Variants in DNAH10 observed in about 807,000 individuals in gnomAD.
DNAH10 encodes dynein axonemal heavy chain 10.
DNAH10 carries 348 observed loss-of-function variants against 506.6 expected under a neutral mutation model. That is an observed-to-expected ratio of 0.69 (90% CI 0.63 to 0.75). DNAH10 has a LOEUF of 0.75. DNAH10 is among the 30% of genes least tolerant of loss of function. The pLI, the probability that DNAH10 is intolerant of heterozygous loss-of-function variation, is 0.00. For missense variants in DNAH10, 5,179 were observed against 5,787.1 expected (o/e 0.89, Z 3.41); for synonymous variants, 2,059 against 2,198.6 (o/e 0.94, Z 1.78).
chr12:123,804,799 C>T lies in DNAH10; in HGVS notation c.2780-34C>T, dbSNP rs202241852. ...TTTGAGTGCTGTCCTTCCCTGTGTT[C>T]GTGGACAGCTCTAACAGACATCTTT... On this transcript the variant is annotated intron_variant, in intron 17 of 78. Transcript: ENST00000673944. 13 of 1,586,088 alleles carry T rather than the reference C, an allele frequency of 8.2e-6. No homozygotes were observed. The African/African-American group carries it at 1.2e-4, about 15-fold the overall frequency.
In DNAH10 at chr12:123,928,640, C is replaced by T. The variant is rs1379401972; in HGVS notation, c.12306+53C>T. 1 of 1,528,250 alleles carries T rather than the reference C, an allele frequency of 6.5e-7. No homozygotes were observed. Among genetic ancestry groups the T allele is most frequent in the Non-Finnish European group, 8.8e-7 (1 of 1,132,228 alleles). The allele number at this position is 1,528,250 out of a possible 1,614,324, so 94.7% of individuals were successfully genotyped here. A position where few individuals can be genotyped will look rare whatever the true frequency, so the allele number is the denominator to read the frequency against. Reference sequence around the variant, plus strand: ...GCCAGCACGCAGCTTCTCAGAACACCTGCATGCTGCTCTGGGGCCGGGGTG... The same window carrying T: ...GCCAGCACGCAGCTTCTCAGAACACTTGCATGCTGCTCTGGGGCCGGGGTG... On this transcript the variant is annotated intron_variant, in intron 70 of 78. Transcript: ENST00000673944. This position sits in a 1 kb window ranked among gnomAD's most constrained non-coding sequence, Gnocchi z 4.9.
At chr12:123,881,587 T>C (rs1428678585) in intron 50 of DNAH10, 38 bp from the exon 51 acceptor site, 46 of 1,506,890 alleles carry the variant, frequency 3.1e-5, no homozygotes, top group Admixed American at 1.0e-4. Flanking sequence ...AAACCCACCA[T>C]GCTGGGTTTT....
At chr12:123,881,489 G>A (rs1419810589) in intron 50 of DNAH10, 136 bp from the exon 51 acceptor site, 1 of 874,198 alleles carries the variant, frequency 1.1e-6, no homozygotes, top group Non-Finnish European at 1.7e-6. Flanking sequence ...CCCACTTTTT[G>A]ATGAAGTTGT....
intron 13 of DNAH10, among the ~76,000 whole-genome samples, 190 bp from the exon 14 acceptor site, chr12:123,799,056 G>A (rs1352265596): frequency 7.0e-6 from 1 of 142,742 alleles, no homozygotes; most frequent in Non-Finnish European, 1.5e-5. Flanking sequence ...AGTGAGCTGA[G>A]ATCGCGCTAC....
chr12:123,766,783 A>G (rs1259460431), intron 1 of DNAH10, among the ~76,000 whole-genome samples: 1 of 152,082 alleles, frequency 6.6e-6, no homozygotes, highest in Admixed American at 6.6e-5. Context: ...GATATTGGCC[A>G]TTTTTTAGAT....
At position 123,880,473 on chromosome 12, in the gene DNAH10, G is replaced by A. The variant is rs1394563206; in HGVS notation, c.8634+672G>A. Among the ~76,000 whole-genome samples, 4 of 151,940 alleles carry A rather than the reference G, an allele frequency of 2.6e-5. No individual in the cohort carries two copies. In the East Asian group the frequency reaches 5.8e-4, roughly 22 times the overall value. On this transcript the variant is annotated intron_variant, in intron 50 of 78. Coordinates refer to ENST00000673944, the MANE Select transcript of DNAH10 (RefSeq NM_001372106.1). ...TCCTGCCTCAGCCTCTGGAGTAGCCGGGACTATGGGCACACATCACCGTGC... is the reference window on the plus strand; with the variant it reads ...TCCTGCCTCAGCCTCTGGAGTAGCCAGGACTATGGGCACACATCACCGTGC...
At chr12:123,801,552 G>A in intron 16 of DNAH10, 120 bp downstream of exon 16, 2 of 1,276,706 alleles carry the variant, frequency 1.6e-6, no homozygotes, top group Non-Finnish European at 2.1e-6. Context: ...ATTTTTGAGG[G>A]TTAAGAAATA....
intron 24 of DNAH10, among the ~76,000 whole-genome samples, chr12:123,826,310 T>C (rs1046036897): frequency 6.6e-6 from 1 of 152,176 alleles, no homozygotes; most frequent in Admixed American, 6.5e-5. Context: ...GCTGCTTTCA[T>C]CAGGGAAAAG....
chr12:123,892,756 C>T (rs2137179100), intron 52 of DNAH10, among the ~76,000 whole-genome samples: 1 of 152,314 alleles, frequency 6.6e-6, no homozygotes, highest in East Asian at 1.9e-4. Flanking sequence ...GTGCCGTTGA[C>T]ATTTGGGGCT....
chr12:123,874,842 T>C (rs1170961236), intron 46 of DNAH10, among the ~76,000 whole-genome samples: 1 of 152,074 alleles, frequency 6.6e-6, no homozygotes, highest in Non-Finnish European at 1.5e-5. Flanking sequence ...TGGCACTGCA[T>C]TGTTGAATTC....
chr12:123,866,081 T>G lies in DNAH10; in HGVS notation c.7167+8T>G, dbSNP rs1389298192. 1.9e-6 allele frequency: 3 copies of G among 1,593,486 alleles called. No individual in the cohort carries two copies. Among genetic ancestry groups the G allele is most frequent in the Non-Finnish European group, 2.6e-6 (3 of 1,170,922 alleles). ...AATCAAATACCAAACAAGGTGAAAT[T>G]TTTTTCTAAAATGAACTTAAATTTA... On this transcript the variant is annotated splice_region_variant and intron_variant, in intron 41 of 78. Transcript: ENST00000673944.
chr12:123,930,511 T>G lies in DNAH10; in HGVS notation c.12722T>G (p.Phe4241Cys), dbSNP rs778197397. The G allele has an allele frequency of 2.5e-6, 4 of 1,610,358 alleles. No homozygotes were observed. The Admixed American group carries it at 6.8e-5, about 27-fold the overall frequency. ...TTTGATACTTTCCAGCCATTCCACT[T>G]CTTCCGGAACAAGGAAGTGGACTAC... is the stretch of plus-strand genomic sequence containing the variant. ...FIFDTFQPFH[F>C]FRNKEVDYKI... is the part of the protein sequence containing the mutation. The change falls in exon 73 of 79, where the codon TTC becomes TGC. Residue 4241 changes from phenylalanine (F) to cysteine (C), a missense_variant. Around this residue, in one of 3 missense-constraint regions of DNAH10, gnomAD observed 4,844 missense variants for 5,430.5 expected, o/e 0.89. Coordinates refer to ENST00000673944, the MANE Select transcript of DNAH10 (RefSeq NM_001372106.1).
At position 123,850,798 on chromosome 12, in the gene DNAH10, G is replaced by T. The variant is rs924096984; in HGVS notation, c.6103-90G>T. ...CAGCCTCATACCATGAAAATGAATC[G>T]CCACGCAGCTCGCCGCAGGCCCCCT... On this transcript the variant is annotated intron_variant, in intron 34 of 78. Transcript: ENST00000673944. The surrounding 1 kb of genome is among the most constrained non-coding windows in gnomAD (Gnocchi z 5.5). The T allele has an allele frequency of 1.5e-6, 2 of 1,333,206 alleles. No individual in the cohort carries two copies. Among genetic ancestry groups the T allele is most frequent in the Non-Finnish European group, 2.0e-6 (2 of 982,348 alleles). 82.6% of individuals were successfully genotyped at this position (1,333,206 alleles called of 1,614,324 possible).
Position 123,830,266 on chromosome 12 carries a change from C to T in DNAH10, c.4392-280C>T, listed in dbSNP as rs142747733. Among the ~76,000 whole-genome samples the T allele has an allele frequency of 6.4e-3, 969 of 152,264 alleles. 19 individuals are homozygous for T. The highest frequency in any genetic ancestry group is 0.056 in the South Asian group (268 of 4,826). On this transcript the variant is annotated intron_variant, in intron 25 of 78. Coordinates refer to ENST00000673944, the MANE Select transcript of DNAH10 (RefSeq NM_001372106.1). ...TTGGTTGAGAGACTATGACAGAAGC[C>T]GTTCCCAATAATTAAAAGTTGTGTA...
At chr12:123,841,178 AC>A in intron 29 of DNAH10, 143 bp from the exon 30 acceptor site, 2 of 788,240 alleles carry the variant, frequency 2.5e-6, no homozygotes, top group East Asian at 4.9e-5. Flanking sequence ...AGGTGGGTGA[AC>A]GACATCCATC....
intron 25 of DNAH10, among the ~76,000 whole-genome samples, chr12:123,830,186 A>G (rs1401382777): frequency 2.0e-5 from 3 of 152,246 alleles, no homozygotes; most frequent in African/African-American, 7.2e-5. Flanking sequence ...ACGAGAGCTC[A>G]TAATTTACAT....
rs1027008427 is a variant in DNAH10, at chr12:123,868,050, A to G, written c.7450A>G (p.Ile2484Val). 2 of 1,613,972 alleles carry G rather than the reference A, an allele frequency of 1.2e-6. No homozygotes were observed. Among genetic ancestry groups the G allele is most frequent in the Non-Finnish European group, 1.7e-6 (2 of 1,179,886 alleles). The change falls in exon 43 of 79, where the codon ATC (isoleucine) becomes GTC (valine). Residue 2484 changes from isoleucine (I) to valine (V), a missense_variant. Transcript: ENST00000673944. ...TGGAAGGATGAAATTTGACGAATAT[A>G]TCAAACGCCTTGCTTCTTTGTCTAC... is the stretch of plus-strand genomic sequence containing the variant. The part of the protein sequence containing the change: ...EDGRMKFDEY[I>V]KRLASLSTVD...
At chr12:123,868,243 G>C (rs960507188) in intron 43 of DNAH10, 124 bp downstream of exon 43, 3 of 886,814 alleles carry the variant, frequency 3.4e-6, no homozygotes, top group African/African-American at 1.7e-5. Context: ...CTTCTTTAGA[G>C]AAACATGCAA....
intron 48 of DNAH10, 100 bp downstream of exon 48, chr12:123,878,008 TA>T (rs1952336701): frequency 2.2e-6 from 3 of 1,384,458 alleles, no homozygotes. Flanking sequence ...TGAATCGTTG[TA>T]TGAATTAATT....
Sources: gnomAD v4.1 joint callset for allele counts (sites outside exome capture counted in the v4.1 genomes callset) on GRCh38, gnomAD v4.1.1 for gene constraint, gnomAD v4.1.1 regional missense constraint, Gnocchi (gnomAD v3.1) non-coding constraint, MANE v1.5 for transcripts, NCBI Gene and HGNC (gene_info 2026-07-23, HGNC 2026-07-21) for gene names.